Variants in CCL26 observed in about 807,000 individuals in gnomAD.
CCL26 encodes the protein C-C motif chemokine ligand 26.
A neutral mutation model predicts 10.7 loss-of-function variants in CCL26; 10 were observed. That is an observed-to-expected ratio of 0.93 (90% CI 0.57 to 1.58). The LOEUF (loss-of-function observed/expected upper bound fraction) is 1.58. Among genes scored for constraint, CCL26 ranks in the 40% most tolerant of loss-of-function variants. The probability of loss-of-function intolerance (pLI) is 0.00; values close to 1 mark genes in which losing one functional copy is unlikely to be tolerated. For missense variants in CCL26, 116 were observed against 111.0 expected, an observed-to-expected ratio of 1.05 and a Z score of -0.20; for synonymous variants, 43 against 41.4, an observed-to-expected ratio of 1.04 and a Z score of -0.15.
At chr7:75,782,250 G>A (rs573637184) in intron 1 of CCL26, among the ~76,000 whole-genome samples, 5 of 152,180 alleles carry the variant, frequency 3.3e-5, no homozygotes, top group Admixed American at 1.3e-4. Flanking sequence ...CCAAAACTCC[G>A]GCGCCAGTCA....
At chr7:75,774,216 C>T (rs1235800306), upstream of CCL26, among the ~76,000 whole-genome samples, 1 of 152,192 alleles carries the variant, frequency 6.6e-6, no homozygotes, top group Non-Finnish European at 1.5e-5. Context: ...ATGGCACAAT[C>T]TCGGCTCACT....
chr7:75,785,448 A>G (rs1278383417), intron 1 of CCL26, among the ~76,000 whole-genome samples: 5 of 152,074 alleles, frequency 3.3e-5, no homozygotes, highest in African/African-American at 7.2e-5. Flanking sequence ...TGCTCCTTCA[A>G]CATTTATTCT....
chr7:75,777,971 C>T (rs1021147573), intron 1 of CCL26, among the ~76,000 whole-genome samples: 5 of 151,988 alleles, frequency 3.3e-5, no homozygotes, highest in African/African-American at 7.2e-5. Context: ...TCACCCGCCT[C>T]GGCCTCCCAA....
intron 1 of CCL26, among the ~76,000 whole-genome samples, chr7:75,788,194 C>T (rs1803245718): frequency 6.6e-6 from 1 of 152,154 alleles, no homozygotes; most frequent in African/African-American, 2.4e-5. Flanking sequence ...GCTAAGCCGT[C>T]GTATCCCCCA....
chr7:75,781,033 G>A (rs782309581), intron 1 of CCL26, among the ~76,000 whole-genome samples: 4 of 152,082 alleles, frequency 2.6e-5, no homozygotes, highest in Non-Finnish European at 5.9e-5. Flanking sequence ...TAGCATTTAG[G>A]CTCTTTCATC....
intron 1 of CCL26, among the ~76,000 whole-genome samples, chr7:75,788,195 G>A (rs1411243921): frequency 3.3e-5 from 5 of 152,062 alleles, no homozygotes; most frequent in South Asian, 4.2e-4. Context: ...CTAAGCCGTC[G>A]TATCCCCCAG....
At chr7:75,773,688 G>A (rs1554528421), upstream of CCL26, among the ~76,000 whole-genome samples, 2 of 151,340 alleles carry the variant, frequency 1.3e-5, no homozygotes, top group South Asian at 2.1e-4. Flanking sequence ...TCAGCCTGGC[G>A]AACATGGTGA....
chr7:75,787,239 T>C (rs1554530088), intron 1 of CCL26, among the ~76,000 whole-genome samples: 1 of 152,146 alleles, frequency 6.6e-6, no homozygotes, highest in Non-Finnish European at 1.5e-5. Flanking sequence ...TGGCCTTTAT[T>C]AGTCAAATCA....
At chr7:75,778,011 A>G (rs1365182454) in intron 1 of CCL26, among the ~76,000 whole-genome samples, 3 of 151,734 alleles carry the variant, frequency 2.0e-5, no homozygotes, top group South Asian at 4.2e-4. Flanking sequence ...TGAGGCACCA[A>G]CCCCAGCCGA....
chr7:75,773,813 G>A (rs1802880671), upstream of CCL26, among the ~76,000 whole-genome samples: 1 of 151,916 alleles, frequency 6.6e-6, no homozygotes, highest in Non-Finnish European at 1.5e-5. Context: ...AACCTGGGGG[G>A]CAGAGGTTGC....
At chr7:75,788,979 GAT>G (rs1803262725) in intron 1 of CCL26, among the ~76,000 whole-genome samples, 1 of 151,920 alleles carries the variant, frequency 6.6e-6, no homozygotes, top group African/African-American at 2.4e-5. Context: ...GGAGTGCAGT[GAT>G]GCTGTCATAG....
chr7:75,784,949 C>T (rs1803150753), intron 1 of CCL26, among the ~76,000 whole-genome samples: 1 of 152,134 alleles, frequency 6.6e-6, no homozygotes, highest in African/African-American at 2.4e-5. Context: ...GGATTAAAGC[C>T]TGTTATTACT....
chr7:75,770,128 G>A (rs1802790399), intron 2 of CCL26, among the ~76,000 whole-genome samples: 1 of 149,954 alleles, frequency 6.7e-6, no homozygotes, highest in Non-Finnish European at 1.5e-5. Context: ...GGAGTGCAAT[G>A]GCATGATCTC....
rs55770109 is a variant in CCL26, at chr7:75,787,651, C to CAAAAAAAAAAAAAAAAA, written c.-79+2049_-79+2065dup. ...CAGAGTGAGACTCCGTCTCCAAAAGCAAAAAAAAAAAAAAAAAAAAAAAGA... is the reference window on the plus strand; with the variant it reads ...CAGAGTGAGACTCCGTCTCCAAAAGCAAAAAAAAAAAAAAAAAAAAAAAAAAAAAAAAAAAAAAAAGA... On this transcript the variant is annotated intron_variant, in intron 1 of 3. Coordinates refer to the CCL26 transcript ENST00000394905. 5.8e-4 allele frequency among the ~76,000 whole-genome samples: 16 copies of CAAAAAAAAAAAAAAAAA among 27,748 alleles called. 4 individuals are homozygous for CAAAAAAAAAAAAAAAAA. The highest frequency in any genetic ancestry group is 5.8e-4 in the Non-Finnish European group (10 of 17,126). The allele number at this position is 27,748 out of a possible 152,430, so 18.2% of individuals were successfully genotyped here.
upstream of CCL26, among the ~76,000 whole-genome samples, chr7:75,790,161 T>C (rs782348455): frequency 4.0e-5 from 2 of 50,004 alleles, no homozygotes; most frequent in Non-Finnish European, 8.0e-5. Context: ...CTCTCTCCCT[T>C]CCTTCCTTCC....
At chr7:75,778,435 A>T (rs1554529007) in intron 1 of CCL26, among the ~76,000 whole-genome samples, 1 of 137,844 alleles carries the variant, frequency 7.3e-6, no homozygotes, top group East Asian at 2.2e-4. Context: ...GGTAGAGATG[A>T]GGTTTTGCCA....
chr7:75,775,636 C>CCTA (rs797042685), upstream of CCL26, among the ~76,000 whole-genome samples: 22 of 152,208 alleles, frequency 1.4e-4, no homozygotes, highest in African/African-American at 5.3e-4. Flanking sequence ...AGGGCTGCAC[C>CCTA]CTACACTCCT....
chr7:75,771,840 T>C, intron 2 of CCL26, 49 bp downstream of exon 2: 1 of 1,171,184 alleles, frequency 8.5e-7, no homozygotes, highest in Non-Finnish European at 1.3e-6. Context: ...GCACCCATCC[T>C]GTTGCATGAC....
rs1017090744 is a variant in CCL26, at chr7:75,769,622, C to A, written c.*71G>T. 62 of 996,546 alleles carry A rather than the reference C, an allele frequency of 6.2e-5. 2 individuals are homozygous for A. The South Asian group carries it at 8.0e-4, about 13-fold the overall frequency. The allele number at this position is 996,546 out of a possible 1,614,324, so 61.7% of individuals were successfully genotyped here. On this transcript the variant is annotated 3_prime_UTR_variant, in exon 3 of 3. Transcript: ENST00000005180. ...GTCCATGTAGCCTTCAGAAAAGATT[C>A]CGCAGGCTCCCCAGAGGGCTGCAGA...
Sources: allele counts gnomAD v4.1 joint callset (sites outside exome capture counted in the v4.1 genomes callset), GRCh38; gene constraint gnomAD v4.1.1; transcripts MANE v1.5; gene names NCBI Gene and HGNC (gene_info 2026-07-23, HGNC 2026-07-21).